PRIMPOL: variants seen among roughly 807,000 people sequenced by gnomAD.
PRIMPOL encodes the protein primase and DNA directed polymerase.
A neutral mutation model predicts 63.6 loss-of-function variants in PRIMPOL; 54 were observed. The ratio of observed to expected loss-of-function variants is 0.85; its 90% CI spans 0.68 to 1.07. The LOEUF is 1.07. PRIMPOL is among the 50% of genes least tolerant of loss of function. PRIMPOL has a pLI of 0.00. For missense variants in PRIMPOL, 610 were observed against 648.3 expected, an observed-to-expected ratio of 0.94 and a Z score of 0.64; for synonymous variants, 197 against 220.2, an observed-to-expected ratio of 0.89 and a Z score of 0.93.
intron 8 of PRIMPOL, among the ~76,000 whole-genome samples, chr4:184,679,324 C>T (rs955207519): frequency 3.3e-5 from 5 of 152,158 alleles, no homozygotes; most frequent in African/African-American, 1.2e-4. Context: ...GGCACAGTAG[C>T]ATGTGCCTGT....
At chr4:184,658,360 T>C (rs1304681997) in intron 3 of PRIMPOL, among the ~76,000 whole-genome samples, 3 of 152,188 alleles carry the variant, frequency 2.0e-5, no homozygotes, top group Non-Finnish European at 2.9e-5. Flanking sequence ...TTTAAAAAGA[T>C]ATAGATAGGG....
intron 7 of PRIMPOL, among the ~76,000 whole-genome samples, chr4:184,674,878 C>T (rs762561224): frequency 6.6e-6 from 1 of 152,208 alleles, no homozygotes; most frequent in African/African-American, 2.4e-5. Context: ...GCTGAAACCT[C>T]AGTCTATGTA....
intron 5 of PRIMPOL, among the ~76,000 whole-genome samples, chr4:184,663,495 T>C (rs1174241997): frequency 1.3e-5 from 2 of 152,248 alleles, no homozygotes; most frequent in Non-Finnish European, 2.9e-5. Flanking sequence ...AAGTACCACA[T>C]TGCATTAGAA....
chr4:184,694,539 A>AGAT lies in PRIMPOL; in HGVS notation c.1446_1448dup (p.Asp482dup). On this transcript the variant is annotated inframe_insertion, in exon 14 of 14. Transcript: ENST00000314970. Reference sequence around the variant, plus strand: ...AAATAAAGGAAGAAGAGTTTACAACAGATGAAGCAGATGAAACTAGGAGCA... The same window carrying AGAT: ...AAATAAAGGAAGAAGAGTTTACAACAGATGATGAAGCAGATGAAACTAGGAGCA... The AGAT allele has an allele frequency of 6.3e-7, 1 of 1,581,834 alleles. No individual in the cohort carries two copies. The highest frequency in any genetic ancestry group is 8.5e-7 in the Non-Finnish European group (1 of 1,178,292).
chr4:184,685,313 T>G (rs1321920766), intron 9 of PRIMPOL, 96 bp from the exon 10 acceptor site: 1 of 874,118 alleles, frequency 1.1e-6, no homozygotes, highest in Admixed American at 2.0e-5. Context: ...GGCTGAGAGA[T>G]TGCAAAACCC....
intron 4 of PRIMPOL, among the ~76,000 whole-genome samples, chr4:184,659,903 C>T (rs538384142): frequency 6.6e-6 from 1 of 152,258 alleles, no homozygotes; most frequent in African/African-American, 2.4e-5. Context: ...TCACTGCAGC[C>T]TCTGCCTCCC....
chr4:184,662,673 T>C (rs1343435545), intron 5 of PRIMPOL, among the ~76,000 whole-genome samples: 1 of 152,176 alleles, frequency 6.6e-6, no homozygotes, highest in African/African-American at 2.4e-5. Flanking sequence ...TATTTTTCTT[T>C]TAAATGTTAA....
chr4:184,692,278 G>A (rs772725962), intron 13 of PRIMPOL, among the ~76,000 whole-genome samples: 10 of 151,754 alleles, frequency 6.6e-5, no homozygotes, highest in South Asian at 2.1e-4. Flanking sequence ...GTTTGAGACC[G>A]GCCTGGCCAA....
intron 9 of PRIMPOL, among the ~76,000 whole-genome samples, chr4:184,683,187 T>G (rs747252078): frequency 6.6e-6 from 1 of 152,202 alleles, no homozygotes; most frequent in Non-Finnish European, 1.5e-5. Flanking sequence ...TCCCAGCACT[T>G]TGGGAGGCTG....
chr4:184,685,457 A>G lies in PRIMPOL; in HGVS notation c.1145A>G (p.His382Arg), dbSNP rs772823225. 11 of 1,613,332 alleles carry G rather than the reference A, an allele frequency of 6.8e-6. No homozygotes were observed. Among genetic ancestry groups the G allele is most frequent in the South Asian group, 6.6e-5 (6 of 91,066 alleles). ...TGTTCTCCCTATCCTGAAGTTGATC[A>G]TTTTGTTCTTTCTTTGGTGAATAAA... ...FQCSPYPEVD[H>R]FVLSLVNKDG... The change falls in exon 10 of 14, where the codon CAT becomes CGT. Residue 382 changes from histidine (H) to arginine (R), a missense_variant. His to Arg is a conservative substitution (Grantham distance 29). Coordinates refer to ENST00000314970, the MANE Select transcript of PRIMPOL (RefSeq NM_152683.4).
chr4:184,660,692 G>C (rs1748087919), intron 4 of PRIMPOL, among the ~76,000 whole-genome samples: 2 of 152,198 alleles, frequency 1.3e-5, no homozygotes, highest in African/African-American at 4.8e-5. Flanking sequence ...CTGAAACTCA[G>C]TCTCATCTTC....
At chr4:184,687,836 G>A (rs1184729289) in intron 11 of PRIMPOL, among the ~76,000 whole-genome samples, 1 of 151,594 alleles carries the variant, frequency 6.6e-6, no homozygotes, top group African/African-American at 2.4e-5. Flanking sequence ...GGCTGGTCTC[G>A]AACTCCCGAC....
At position 184,685,416 on chromosome 4, in the gene PRIMPOL, C is replaced by T. The variant is rs750422745; in HGVS notation, c.1104C>T (p.Thr368=). Residue 368 remains threonine, a synonymous_variant, in exon 10 of 14, where the codon ACC becomes ACT. Coordinates refer to ENST00000314970, the MANE Select transcript of PRIMPOL (RefSeq NM_152683.4). ...YFNSIGTSVE[T]IEGFQCSPYP... Reference sequence around the variant, plus strand: ...CCATTCTCTCTGTTGCAGTAGAAACCATTGAAGGTTTTCAGTGTTCTCCCT... The same window carrying T: ...CCATTCTCTCTGTTGCAGTAGAAACTATTGAAGGTTTTCAGTGTTCTCCCT... 1 of 1,605,636 alleles carries T rather than the reference C, an allele frequency of 6.2e-7. No homozygotes were observed. Among genetic ancestry groups the T allele is most frequent in the East Asian group, 2.2e-5 (1 of 44,810 alleles).
At chr4:184,693,639 G>T (rs1759622359) in intron 13 of PRIMPOL, among the ~76,000 whole-genome samples, 1 of 151,986 alleles carries the variant, frequency 6.6e-6, no homozygotes. Context: ...TACTATAAAG[G>T]CCTAACCTAC....
intron 7 of PRIMPOL, among the ~76,000 whole-genome samples, chr4:184,674,959 C>T (rs75055875): frequency 0.012 from 1,763 of 152,294 alleles, 17 homozygotes; most frequent in Middle Eastern, 0.065. Flanking sequence ...TCCAGCATCA[C>T]GAGTGGCACT....
Position 184,657,251 on chromosome 4 carries a change from A to G in PRIMPOL, c.111A>G (p.Glu37=), listed in dbSNP as rs1310070766. 1.2e-6 allele frequency: 2 copies of G among 1,613,850 alleles called. No individual in the cohort carries two copies. Among genetic ancestry groups the G allele is most frequent in the African/African-American group, 2.7e-5 (2 of 74,928 alleles). ...VYRPRLSKPE[E]PPSIWRLFHR... ...GACCAAGATTGTCCAAGCCAGAAGA[A>G]CCACCCTCCATCTGGAGACTATTTC... Residue 37 remains glutamate (E), a synonymous_variant, in exon 3 of 14, where the codon GAA becomes GAG. Coordinates refer to ENST00000314970, the MANE Select transcript of PRIMPOL (RefSeq NM_152683.4).
intron 6 of PRIMPOL, among the ~76,000 whole-genome samples, chr4:184,669,886 C>T (rs757438136): frequency 1.3e-5 from 2 of 152,124 alleles, no homozygotes; most frequent in Non-Finnish European, 1.5e-5. Context: ...CAGAATTTTT[C>T]CTTGTTTCTT....
chr4:184,677,293 G>A (rs1221318131), intron 7 of PRIMPOL, among the ~76,000 whole-genome samples: 2 of 151,938 alleles, frequency 1.3e-5, no homozygotes, highest in South Asian at 2.1e-4. Context: ...CAGTCCACTT[G>A]GAAAGGATTT....
intron 6 of PRIMPOL, among the ~76,000 whole-genome samples, chr4:184,671,566 C>T (rs1751635857): frequency 6.6e-6 from 1 of 152,148 alleles, no homozygotes; most frequent in Non-Finnish European, 1.5e-5. Flanking sequence ...ATGACAGCCT[C>T]TTAGGCTCAG....
Sources: gnomAD v4.1 joint callset for allele counts (sites outside exome capture counted in the v4.1 genomes callset) on GRCh38, gnomAD v4.1.1 for gene constraint, MANE v1.5 for transcripts, NCBI Gene and HGNC (gene_info 2026-07-23, HGNC 2026-07-21) for gene names.